PRR36: variants seen among roughly 807,000 people sequenced by gnomAD.
PRR36 encodes proline-rich protein 36.
Under a neutral mutation model 58.6 loss-of-function variants are expected in PRR36, and 30 were observed. The observed-to-expected ratio is 0.51, with a 90% CI of 0.38 to 0.69. PRR36 has a LOEUF of 0.69. Ranked by LOEUF, PRR36 falls within the 30% of genes least tolerant of loss-of-function variation. PRR36 has a pLI of 0.00. For missense variants in PRR36, 1,692 were observed against 1,805.6 expected (o/e 0.94, Z 1.14); for synonymous variants, 771 against 829.3 (o/e 0.93, Z 1.21).
Position 7,870,963 on chromosome 19 carries a change from GTAGGTT to G in PRR36, c.2275_2280del (p.Asn759_Leu760del). 5.3e-6 allele frequency: 7 copies of G among 1,325,422 alleles called. No individual in the cohort carries two copies. The South Asian group carries it at 5.5e-5, about 10-fold the overall frequency. The allele number at this position is 1,325,422 out of a possible 1,614,324, so 82.1% of individuals were successfully genotyped here. A position where few individuals can be genotyped will look rare whatever the true frequency, so the allele number is the denominator to read the frequency against. On this transcript the variant is annotated inframe_deletion, in exon 5 of 6. Coordinates refer to ENST00000618550, the MANE Select transcript of PRR36 (RefSeq NM_001190467.2). Reference sequence around the variant, plus strand: ...TGCAGAGGAGGCGGGGCTAGAGAAGGTAGGTTCTCCAGAGGGGGTGTGGTCAGGGGA... The same window carrying G: ...TGCAGAGGAGGCGGGGCTAGAGAAGGCTCCAGAGGGGGTGTGGTCAGGGGA...
At position 7,873,602 on chromosome 19, in the gene PRR36, G is replaced by T; in HGVS notation, c.88C>A (p.Pro30Thr). The T allele has an allele frequency of 6.5e-7, 1 of 1,535,000 alleles. No individual in the cohort carries two copies. The highest frequency in any genetic ancestry group is 8.7e-7 in the Non-Finnish European group (1 of 1,146,668). The change falls in exon 2 of 6, where the codon CCA (proline) becomes ACA (threonine). Residue 30 changes from proline to threonine, a missense_variant. Physicochemically the swap from Pro to Thr is conservative, Grantham distance 38. Transcript: ENST00000618550. This position sits in a 1 kb window ranked among gnomAD's most constrained non-coding sequence, Gnocchi z 5.0. ...GGGGGAGGGGGTCGAGGAGAGCCTG[G>T]GGGCCTGGGGGTCAGAAGTCCAGGA... Reference protein sequence around the residue: ...RAPGLLTPRPPGSPRPPPPVT... With the variant: ...RAPGLLTPRPTGSPRPPPPVT...
rs1302866227 is a variant in PRR36, at chr19:7,871,908, G to A, written c.1336C>T (p.Leu446Phe). ...GCCAAGGGAGAGAGGAGAGTCGGAA[G>A]AGAGGGCAACGCTGGATTAGCTTGG... ...PTQANPALPSLPTLLSPLATP... is the reference protein window; with the variant it reads ...PTQANPALPSFPTLLSPLATP... The change falls in exon 5 of 6, where the codon CTT becomes TTT. Residue 446 changes from leucine (L) to phenylalanine (F), a missense_variant. Physicochemically the swap from Leu to Phe is conservative, Grantham distance 22 (BLOSUM62 0). Transcript: ENST00000618550. The A allele has an allele frequency of 7.2e-6, 11 of 1,535,978 alleles. No individual in the cohort carries two copies. The highest frequency in any genetic ancestry group is 9.6e-6 in the Non-Finnish European group (11 of 1,146,886).
chr19:7,873,969 C>T lies in PRR36; in HGVS notation c.-7-273G>A, dbSNP rs2145074090. 6.6e-6 allele frequency among the ~76,000 whole-genome samples: 1 copy of T among 151,934 alleles called. No individual in the cohort carries two copies. Among genetic ancestry groups the T allele is most frequent in the African/African-American group, 2.4e-5 (1 of 41,462 alleles). ...CCCACCGCCTCCCCCGCCTCGGCTC[C>T]AATTCAGGACCGATCTCCACGCCCC... On this transcript the variant is annotated intron_variant, in intron 1 of 5. Coordinates refer to ENST00000618550, the MANE Select transcript of PRR36 (RefSeq NM_001190467.2). The surrounding 1 kb of genome is among the most constrained non-coding windows in gnomAD (Gnocchi z 5.0).
At position 7,869,247 on chromosome 19, in the gene PRR36, CCGCCCGCGG is replaced by C. The variant is rs1327886147; in HGVS notation, c.3818_3826del (p.Ala1273_Gly1275del). ...CGCACCTCCTGGGCCCCCGCCGCTG[CCGCCCGCGG>C]CACCCTCGGCAGCCGCCAGCAGCAG... is the stretch of plus-strand genomic sequence containing the variant. On this transcript the variant is annotated inframe_deletion, in exon 6 of 6. Transcript: ENST00000618550. 6.7e-7 allele frequency: 1 copy of C among 1,487,002 alleles called. No individual in the cohort carries two copies. The highest frequency in any genetic ancestry group is 2.7e-5 in the East Asian group (1 of 37,060). 92.1% of individuals were successfully genotyped at this position (1,487,002 alleles called of 1,614,324 possible).
chr19:7,868,844 C>T lies in PRR36; in HGVS notation c.*189G>A, dbSNP rs1980223913. 1.7e-6 allele frequency: 1 copy of T among 591,662 alleles called. No homozygotes were observed. The highest frequency in any genetic ancestry group is 2.7e-6 in the Non-Finnish European group (1 of 365,704). The allele number at this position is 591,662 out of a possible 1,614,324, so 36.7% of individuals were successfully genotyped here. ...GGCCAAAGGGGCGGAGCTCGAGGGG[C>T]GGGCCTAGGTCAAAGCTGTGGGTAG... is the stretch of plus-strand genomic sequence containing the variant. On this transcript the variant is annotated 3_prime_UTR_variant, in exon 6 of 6. Coordinates refer to ENST00000618550, the MANE Select transcript of PRR36 (RefSeq NM_001190467.2).
At position 7,869,239 on chromosome 19, in the gene PRR36, C is replaced by T; in HGVS notation, c.3835G>A (p.Gly1279Arg). The T allele has an allele frequency of 6.7e-7, 1 of 1,492,544 alleles. No homozygotes were observed. Among genetic ancestry groups the T allele is most frequent in the Non-Finnish European group, 8.9e-7 (1 of 1,129,864 alleles). 92.5% of individuals were successfully genotyped at this position (1,492,544 alleles called of 1,614,324 possible). A position where few individuals can be genotyped will look rare whatever the true frequency, so the allele number is the denominator to read the frequency against. The change falls in exon 6 of 6, where the codon GGG becomes AGG. Residue 1279 changes from glycine to arginine, a missense_variant. By Grantham distance (125) the Gly-to-Arg change is moderately radical. Transcript: ENST00000618550. ...CCACCCTCCGCACCTCCTGGGCCCCCGCCGCTGCCGCCCGCGGCACCCTCG... is the reference window on the plus strand; with the variant it reads ...CCACCCTCCGCACCTCCTGGGCCCCTGCCGCTGCCGCCCGCGGCACCCTCG... ...AAEGAAGGSG[G>R]GPGGAEGGGV...
Position 7,872,486 on chromosome 19 carries a change from G to A in PRR36, c.758C>T (p.Ala253Val). ...TCCGCGGGCTGAGGGCCCAGAACGG[G>A]CTGGGGAGGAGAGAGGGGTGGCGCT... ...SSSATPLSSP[A>V]RSGPSARGTP... Residue 253 changes from alanine to valine, a missense_variant, in exon 5 of 6, where the codon GCC becomes GTC. Ala to Val is a moderately conservative substitution (Grantham distance 64). Transcript: ENST00000618550. The surrounding 1 kb of genome is among the most constrained non-coding windows in gnomAD (Gnocchi z 6.1). The A allele has an allele frequency of 6.7e-7, 1 of 1,481,786 alleles. No homozygotes were observed. The highest frequency in any genetic ancestry group is 8.9e-7 in the Non-Finnish European group (1 of 1,123,304). 91.8% of individuals were successfully genotyped at this position (1,481,786 alleles called of 1,614,324 possible).
rs977587736 is a variant in PRR36 at position 7,869,740 on chromosome 19, C to T, written c.3504G>A (p.Pro1168=). 5 of 1,345,812 alleles carry T rather than the reference C, an allele frequency of 3.7e-6. No individual in the cohort carries two copies. The highest frequency in any genetic ancestry group is 4.7e-6 in the Non-Finnish European group (5 of 1,053,122). The allele number at this position is 1,345,812 out of a possible 1,614,324, so 83.4% of individuals were successfully genotyped here. The stretch of plus-strand genomic sequence containing the variant: ...CTGGGGCTCCGCGGAAAGCCAGCGG[C>T]GGAGCGGGGCCTCGACTCCAGGCAG... ...HPAAWSRGPA[P]PLAFRGAPGA... is the part of the protein sequence containing the mutation. The change falls in exon 5 of 6, where the codon CCG becomes CCA. Residue 1168 remains proline, a synonymous_variant. Transcript: ENST00000618550.
In PRR36 at chr19:7,872,275, T is replaced by C; in HGVS notation, c.969A>G (p.Ala323=). Residue 323 remains alanine (A), a synonymous_variant, in exon 5 of 6, where the codon GCA becomes GCG. Coordinates refer to ENST00000618550, the MANE Select transcript of PRR36 (RefSeq NM_001190467.2). The surrounding 1 kb of genome is among the most constrained non-coding windows in gnomAD (Gnocchi z 6.1). ...KARPVPPPDN[A]ATPLPATLPP... is the part of the protein sequence containing the mutation. The stretch of plus-strand genomic sequence containing the variant: ...GGAGCGTGGCTGGCAGGGGAGTGGC[T>C]GCATTGTCGGGAGGCGGTACGGGTC... The C allele has an allele frequency of 6.9e-7, 1 of 1,456,040 alleles. No individual in the cohort carries two copies. Among genetic ancestry groups the C allele is most frequent in the Non-Finnish European group, 9.0e-7 (1 of 1,110,666 alleles). 90.2% of individuals were successfully genotyped at this position (1,456,040 alleles called of 1,614,324 possible).
rs1028395837 is a variant in PRR36, at chr19:7,873,913, C to T, written c.-7-217G>A. On this transcript the variant is annotated intron_variant, in intron 1 of 5. Coordinates refer to ENST00000618550, the MANE Select transcript of PRR36 (RefSeq NM_001190467.2). This position sits in a 1 kb window ranked among gnomAD's most constrained non-coding sequence, Gnocchi z 5.0. The stretch of plus-strand genomic sequence containing the variant: ...CCAAGTCCCACCCCCCACCGCTTTT[C>T]CCTAAAGCGAAGAGGCCCTGCCCGC... Among the ~76,000 whole-genome samples, 3 of 151,244 alleles carry T rather than the reference C, an allele frequency of 2.0e-5. No homozygotes were observed. Among genetic ancestry groups the T allele is most frequent in the African/African-American group, 7.3e-5 (3 of 41,228 alleles).
chr19:7,869,323 C>A lies in PRR36; in HGVS notation c.3751G>T (p.Ala1251Ser). 4 of 1,427,130 alleles carry A rather than the reference C, an allele frequency of 2.8e-6. No individual in the cohort carries two copies. The highest frequency in any genetic ancestry group is 1.4e-5 in the South Asian group (1 of 69,432). The allele number at this position is 1,427,130 out of a possible 1,614,324, so 88.4% of individuals were successfully genotyped here. A position where few individuals can be genotyped will look rare whatever the true frequency, so the allele number is the denominator to read the frequency against. The change falls in exon 6 of 6, where the codon GCG becomes TCG. Residue 1251 changes from alanine to serine, a missense_variant. Ala to Ser is a moderately conservative substitution (Grantham distance 99). Coordinates refer to ENST00000618550, the MANE Select transcript of PRR36 (RefSeq NM_001190467.2). ...QARLGELPLGALQASVVQHLL... is the reference protein window; with the variant it reads ...QARLGELPLGSLQASVVQHLL... The stretch of plus-strand genomic sequence containing the variant: ...TGCTGCACGACGCTCGCCTGCAGCG[C>A]CCCCAGTGGCAGCTCGCCCAGGCGC...
Position 7,873,620 on chromosome 19 carries a change from G to T in PRR36, c.70C>A (p.Leu24Ile). Residue 24 changes from leucine to isoleucine, a missense_variant, in exon 2 of 6, where the codon CTT becomes ATT. Coordinates refer to ENST00000618550, the MANE Select transcript of PRR36 (RefSeq NM_001190467.2). The surrounding 1 kb of genome is among the most constrained non-coding windows in gnomAD (Gnocchi z 5.0). ...ARTPAARAPGLLTPRPPGSPR... is the reference protein window; with the variant it reads ...ARTPAARAPGILTPRPPGSPR... Reference sequence around the variant, plus strand: ...GAGCCTGGGGGCCTGGGGGTCAGAAGTCCAGGAGCGCGAGCAGCCGGCGTC... The same window carrying T: ...GAGCCTGGGGGCCTGGGGGTCAGAATTCCAGGAGCGCGAGCAGCCGGCGTC... The T allele has an allele frequency of 6.5e-7, 1 of 1,535,186 alleles. No individual in the cohort carries two copies. Among genetic ancestry groups the T allele is most frequent in the Non-Finnish European group, 8.7e-7 (1 of 1,146,688 alleles).
Position 7,872,431 on chromosome 19 carries a change from C to G in PRR36, c.813G>C (p.Gln271His), listed in dbSNP as rs1980507777. 1.4e-5 allele frequency: 20 copies of G among 1,452,778 alleles called. No individual in the cohort carries two copies. The highest frequency in any genetic ancestry group is 1.8e-5 in the Non-Finnish European group (20 of 1,108,670). The allele number at this position is 1,452,778 out of a possible 1,614,324, so 90.0% of individuals were successfully genotyped here. ...GAGCCTGCAGTCCTTTCGGCTTGGG[C>G]TGCGAGGGATGCGCAGGAGCCCTGG... ...GTPRAPAHPS[Q>H]PKPKGLQALR... Residue 271 changes from glutamine to histidine, a missense_variant, in exon 5 of 6, where the codon CAG (glutamine) becomes CAC (histidine). Physicochemically the swap from Gln to His is conservative, Grantham distance 24. Around this residue, in one of 5 missense-constraint regions of PRR36, gnomAD observed 975 missense variants for 955.2 expected, o/e 1.02. Coordinates refer to ENST00000618550, the MANE Select transcript of PRR36 (RefSeq NM_001190467.2). This position sits in a 1 kb window ranked among gnomAD's most constrained non-coding sequence, Gnocchi z 6.1.
rs1852148426 is a variant in PRR36, at chr19:7,868,985, G to A, written c.*48C>T. ...AAACAAACGGCGTACCCGGAGGGGC[G>A]GATCCTAAGGCAGGGGTGGGGTGTA... On this transcript the variant is annotated 3_prime_UTR_variant, in exon 6 of 6. Transcript: ENST00000618550. 1 of 1,459,542 alleles carries A rather than the reference G, an allele frequency of 6.9e-7. No homozygotes were observed. Among genetic ancestry groups the A allele is most frequent in the Non-Finnish European group, 9.0e-7 (1 of 1,107,662 alleles). The allele number at this position is 1,459,542 out of a possible 1,614,324, so 90.4% of individuals were successfully genotyped here. A position where few individuals can be genotyped will look rare whatever the true frequency, so the allele number is the denominator to read the frequency against.
chr19:7,872,955 G>A lies in PRR36; in HGVS notation c.381C>T (p.Gly127=), dbSNP rs1439891900. ...TCCGGAGTCCCTTCTGGCCAAGAGG[G>A]CCTGGCCTGGAGACAGAAGGGGCCA... ...PGRASGTTRP[G]PLGQKGLRIS... The change falls in exon 4 of 6, where the codon GGC becomes GGT. Residue 127 remains glycine (G), a synonymous_variant. Transcript: ENST00000618550. The surrounding 1 kb of genome is among the most constrained non-coding windows in gnomAD (Gnocchi z 6.1). 6.5e-7 allele frequency: 1 copy of A among 1,535,706 alleles called. No individual in the cohort carries two copies. The highest frequency in any genetic ancestry group is 8.7e-7 in the Non-Finnish European group (1 of 1,146,612).
rs1980597732 is a variant in PRR36, at chr19:7,874,177, TGC to T, written c.-8+107_-8+108del. 3 of 154,396 alleles carry T rather than the reference TGC, an allele frequency of 1.9e-5. No homozygotes were observed. Among genetic ancestry groups the T allele is most frequent in the African/African-American group, 7.2e-5 (3 of 41,518 alleles). 9.6% of individuals were successfully genotyped at this position (154,396 alleles called of 1,614,324 possible). A position where few individuals can be genotyped will look rare whatever the true frequency, so the allele number is the denominator to read the frequency against. ...CTGCCGGGAGGCAGAGCGGCCCCGC[TGC>T]CCGCGAACGGGCTCCGGGAGACAAA... On this transcript the variant is annotated intron_variant, in intron 1 of 5. Transcript: ENST00000618550. This position sits in a 1 kb window ranked among gnomAD's most constrained non-coding sequence, Gnocchi z 6.0.
Position 7,872,092 on chromosome 19 carries a change from C to A in PRR36, c.1152G>T (p.Gln384His). The A allele has an allele frequency of 6.5e-7, 1 of 1,532,418 alleles. No homozygotes were observed. The highest frequency in any genetic ancestry group is 8.7e-7 in the Non-Finnish European group (1 of 1,145,430). The allele number at this position is 1,532,418 out of a possible 1,614,324, so 94.9% of individuals were successfully genotyped here. A position where few individuals can be genotyped will look rare whatever the true frequency, so the allele number is the denominator to read the frequency against. Residue 384 changes from glutamine to histidine, a missense_variant, in exon 5 of 6, where the codon CAG (glutamine) becomes CAT (histidine). Transcript: ENST00000618550. This position sits in a 1 kb window ranked among gnomAD's most constrained non-coding sequence, Gnocchi z 6.1. ...PPSPSAPPSL[Q>H]TLPSPPATPP... ...GCGTGGCTGGTGGAGAGGGGAGGGTCTGCAGAGAAGGTGGAGCAGAGGGAG... is the reference window on the plus strand; with the variant it reads ...GCGTGGCTGGTGGAGAGGGGAGGGTATGCAGAGAAGGTGGAGCAGAGGGAG...
Position 7,869,081 on chromosome 19 carries a change from G to C in PRR36, c.3993C>G (p.Ala1331=). Residue 1331 remains alanine, a synonymous_variant, in exon 6 of 6, where the codon GCC becomes GCG. Coordinates refer to ENST00000618550, the MANE Select transcript of PRR36 (RefSeq NM_001190467.2). ...CCACGGTCCAGTCACCCTGCGGGGAGGCCACGTCGTCCGGAGAGAAGCTGG... is the reference window on the plus strand; with the variant it reads ...CCACGGTCCAGTCACCCTGCGGGGACGCCACGTCGTCCGGAGAGAAGCTGG... ...SVTSFSPDDV[A]SPQGDWTVVE... 1 of 1,534,662 alleles carries C rather than the reference G, an allele frequency of 6.5e-7. No individual in the cohort carries two copies. Among genetic ancestry groups the C allele is most frequent in the Non-Finnish European group, 8.7e-7 (1 of 1,146,370 alleles).
At position 7,869,263 on chromosome 19, in the gene PRR36, C is replaced by T. The variant is rs1980253165; in HGVS notation, c.3811G>A (p.Glu1271Lys). ...CCGCCGCTGCCGCCCGCGGCACCCT[C>T]GGCAGCCGCCAGCAGCAGCGTCCGG... is the stretch of plus-strand genomic sequence containing the variant. ...LSRTLLLAAA[E>K]GAAGGSGGGP... Residue 1271 changes from glutamate to lysine, a missense_variant, in exon 6 of 6, where the codon GAG becomes AAG. By Grantham distance (56) the Glu-to-Lys change is moderately conservative. This residue lies in a region of PRR36 where 485 missense variants were observed against 549.2 expected (regional missense o/e 0.88). Coordinates refer to ENST00000618550, the MANE Select transcript of PRR36 (RefSeq NM_001190467.2). 7 of 1,467,124 alleles carry T rather than the reference C, an allele frequency of 4.8e-6. No individual in the cohort carries two copies. The highest frequency in any genetic ancestry group is 6.2e-6 in the Non-Finnish European group (7 of 1,120,002). The allele number at this position is 1,467,124 out of a possible 1,614,324, so 90.9% of individuals were successfully genotyped here. A position where few individuals can be genotyped will look rare whatever the true frequency, so the allele number is the denominator to read the frequency against.
Sources: allele counts gnomAD v4.1 joint callset (sites outside exome capture counted in the v4.1 genomes callset), GRCh38; gene constraint gnomAD v4.1.1; regional missense constraint gnomAD v4.1.1; non-coding constraint Gnocchi (gnomAD v3.1); transcripts MANE v1.5; gene names NCBI Gene and HGNC (gene_info 2026-07-23, HGNC 2026-07-21).